The following RYR2 variants were observed in gnomAD, a reference collection of about 807,000 sequenced individuals.
RYR2 encodes the protein ryanodine receptor 2.
Under a neutral mutation model 601.1 loss-of-function variants are expected in RYR2, and 227 were observed. The ratio of observed to expected loss-of-function variants is 0.38; its 90% CI spans 0.34 to 0.42. The LOEUF (loss-of-function observed/expected upper bound fraction) is 0.42, where lower values mean the gene tolerates loss of function less well. Ranked by LOEUF, RYR2 falls within the 10% of genes least tolerant of loss-of-function variation. The pLI is 1.00. For missense variants in RYR2, 4,646 were observed against 6,156.5 expected (o/e 0.75, Z 8.21); for synonymous variants, 2,223 against 2,175.1 (o/e 1.02, Z -0.61).
chr1:237,503,351 C>G lies in RYR2; in HGVS notation c.2459C>G (p.Ala820Gly), dbSNP rs748492817. Reference sequence around the variant, plus strand: ...AAATTTCTTCCTCCACCTGGGTATGCTCCTTGTTATGAAGCTGTTCTGCCA... The same window carrying G: ...AAATTTCTTCCTCCACCTGGGTATGGTCCTTGTTATGAAGCTGTTCTGCCA... ...EFKFLPPPGY[A>G]PCYEAVLPKE... is the part of the protein sequence containing the mutation. Residue 820 changes from alanine (A) to glycine (G), a missense_variant, in exon 22 of 105, where the codon GCT becomes GGT. Transcript: ENST00000366574. 7.4e-6 allele frequency: 12 copies of G among 1,613,914 alleles called. No individual in the cohort carries two copies. In the South Asian group the frequency reaches 1.3e-4, roughly 18 times the overall value.
At position 237,478,352 on chromosome 1, in the gene RYR2, A is replaced by G. The variant is rs553076865; in HGVS notation, c.1708+9165A>G. Among the ~76,000 whole-genome samples the G allele has an allele frequency of 3.3e-5, 5 of 152,266 alleles. No individual in the cohort carries two copies. In the South Asian group the frequency reaches 1.0e-3, roughly 32 times the overall value. Reference sequence around the variant, plus strand: ...AGCTCCTCTGTGCTTCCCGTTTTTTAACCTGTCAATGGGAATGGTAAAAAT... The same window carrying G: ...AGCTCCTCTGTGCTTCCCGTTTTTTGACCTGTCAATGGGAATGGTAAAAAT... On this transcript the variant is annotated intron_variant, in intron 17 of 104. Coordinates refer to ENST00000366574, the MANE Select transcript of RYR2 (RefSeq NM_001035.3).
intron 1 of RYR2, among the ~76,000 whole-genome samples, chr1:237,066,751 C>T (rs1663678569): frequency 6.6e-6 from 1 of 152,042 alleles, no homozygotes; most frequent in South Asian, 2.1e-4. Context: ...ATGCCATTCT[C>T]CTGCCTCAGC....
At chr1:237,337,251 C>CAAAAA (rs1402777135) in intron 3 of RYR2, among the ~76,000 whole-genome samples, 2 of 65,426 alleles carry the variant, frequency 3.1e-5, no homozygotes, top group African/African-American at 4.7e-5. Flanking sequence ...GTATCCATCT[C>CAAAAA]AAAAAAAAAA....
Position 237,832,668 on chromosome 1 carries a change from A to T in RYR2, c.*21A>T. ...ATTAAACTCAGACCCAATCACCTCT[A>T]AAAACCAAAACCCTACCCCTCTCTC... On this transcript the variant is annotated 3_prime_UTR_variant, in exon 105 of 105. Transcript: ENST00000366574. 1 of 1,462,578 alleles carries T rather than the reference A, an allele frequency of 6.8e-7. No individual in the cohort carries two copies. The highest frequency in any genetic ancestry group is 9.6e-7 in the Non-Finnish European group (1 of 1,045,516). The allele number at this position is 1,462,578 out of a possible 1,614,324, so 90.6% of individuals were successfully genotyped here. A position where few individuals can be genotyped will look rare whatever the true frequency, so the allele number is the denominator to read the frequency against.
At position 237,784,918 on chromosome 1, in the gene RYR2, C is replaced by T. The variant is rs397516509; in HGVS notation, c.13206C>T (p.Leu4402=). 7 of 1,608,908 alleles carry T rather than the reference C, an allele frequency of 4.4e-6. No individual in the cohort carries two copies. The highest frequency in any genetic ancestry group is 1.6e-4 in the Middle Eastern group (1 of 6,076). ...KLIPHNPNAG[L]SDLMSNPVPM... is the part of the protein sequence containing the mutation. ...TTCCTCATAATCCAAATGCTGGGCT[C>T]AGTGACCTCATGAGCAACCCAGTCC... Residue 4402 remains leucine (L), a synonymous_variant, in exon 90 of 105, where the codon CTC becomes CTT. Transcript: ENST00000366574. This position sits in a 1 kb window ranked among gnomAD's most constrained non-coding sequence, Gnocchi z 7.1.
intron 1 of RYR2, among the ~76,000 whole-genome samples, chr1:237,072,221 C>A: frequency 6.6e-6 from 1 of 152,224 alleles, no homozygotes; most frequent in South Asian, 2.1e-4. Flanking sequence ...GTTGTGCCTC[C>A]CCCGCTGCAG....
chr1:237,343,186 A>G lies in RYR2; in HGVS notation c.273+12204A>G, dbSNP rs577642579. On this transcript the variant is annotated intron_variant, in intron 3 of 104. Coordinates refer to ENST00000366574, the MANE Select transcript of RYR2 (RefSeq NM_001035.3). ...TGCGGTGAGCTGTGTTTGTGCCACT[A>G]CACTCCAACCTGGGTGACAGAGCGA... 3.3e-5 allele frequency among the ~76,000 whole-genome samples: 5 copies of G among 152,078 alleles called. No homozygotes were observed. The South Asian group carries it at 1.0e-3, about 32-fold the overall frequency.
chr1:237,673,739 A>T (rs958072991), intron 58 of RYR2, among the ~76,000 whole-genome samples: 1 of 152,230 alleles, frequency 6.6e-6, no homozygotes, highest in Non-Finnish European at 1.5e-5. Flanking sequence ...AATCCAGCTA[A>T]GTATGATTTA....
intron 16 of RYR2, among the ~76,000 whole-genome samples, chr1:237,463,772 A>G (rs1419653860): frequency 6.6e-6 from 1 of 152,166 alleles, no homozygotes; most frequent in Non-Finnish European, 1.5e-5. Flanking sequence ...TTGTTTTTGT[A>G]CCTTGACGCA....
In RYR2 at chr1:237,042,410, C is replaced by A; in HGVS notation, c.-112C>A. The A allele has an allele frequency of 9.5e-7, 1 of 1,052,166 alleles. No individual in the cohort carries two copies. Among genetic ancestry groups the A allele is most frequent in the Non-Finnish European group, 1.2e-6 (1 of 831,192 alleles). The allele number at this position is 1,052,166 out of a possible 1,614,324, so 65.2% of individuals were successfully genotyped here. On this transcript the variant is annotated 5_prime_UTR_variant, in exon 1 of 105. Coordinates refer to ENST00000366574, the MANE Select transcript of RYR2 (RefSeq NM_001035.3). ...GCGCTCGGCACCCGGCAGCGCGGCC[C>A]CCTCCAGCCCCCGGCTCCCGGCAGC...
At chr1:237,271,061 T>C (rs1316434396) in intron 2 of RYR2, among the ~76,000 whole-genome samples, 2 of 152,166 alleles carry the variant, frequency 1.3e-5, no homozygotes, top group East Asian at 3.8e-4. Context: ...AACCTGGGTC[T>C]AGATGCAGTT....
chr1:237,400,894 G>T (rs1703294849), intron 10 of RYR2, among the ~76,000 whole-genome samples: 1 of 152,132 alleles, frequency 6.6e-6, no homozygotes, highest in African/African-American at 2.4e-5. Context: ...TAGAAGTGAA[G>T]CACAACTGTT....
chr1:237,825,329 G>A (rs1662969187), intron 101 of RYR2, among the ~76,000 whole-genome samples: 2 of 152,072 alleles, frequency 1.3e-5, no homozygotes. Context: ...ATAGACCAAT[G>A]GAACAAAACA....
intron 99 of RYR2, among the ~76,000 whole-genome samples, chr1:237,808,686 AAATAAAAT>A (rs1660928894): frequency 6.6e-6 from 1 of 151,832 alleles, no homozygotes; most frequent in Non-Finnish European, 1.5e-5. Context: ...AAATAAAATA[AAATAAAAT>A]AAAGTCTGAC....
chr1:237,135,353 T>C (rs1056627262), intron 1 of RYR2, among the ~76,000 whole-genome samples: 1 of 151,830 alleles, frequency 6.6e-6, no homozygotes, highest in Non-Finnish European at 1.5e-5. Flanking sequence ...CAGCATCCCC[T>C]TGTTGGTTTT....
intron 10 of RYR2, among the ~76,000 whole-genome samples, chr1:237,396,982 A>C (rs1702911816): frequency 6.6e-6 from 1 of 152,200 alleles, no homozygotes; most frequent in Non-Finnish European, 1.5e-5. Flanking sequence ...AGAAAAAATT[A>C]GGCTGGACGC....
At chr1:237,065,373 G>T (rs149866362) in intron 1 of RYR2, among the ~76,000 whole-genome samples, 2 of 142,828 alleles carry the variant, frequency 1.4e-5, no homozygotes, top group Non-Finnish European at 3.0e-5. Flanking sequence ...TCCACCTCCC[G>T]GGTTCAAGCC....
At chr1:237,222,575 C>A (rs1478505626) in intron 1 of RYR2, among the ~76,000 whole-genome samples, 1 of 152,010 alleles carries the variant, frequency 6.6e-6, no homozygotes, top group Non-Finnish European at 1.5e-5. Context: ...CCCTTTTTCC[C>A]TATATTTTTG....
chr1:237,232,814 C>T (rs748567336), intron 1 of RYR2, among the ~76,000 whole-genome samples: 2 of 152,122 alleles, frequency 1.3e-5, no homozygotes, highest in Non-Finnish European at 2.9e-5. Flanking sequence ...GATTGCTTGC[C>T]TGGTGTGTGG....
Sources: gnomAD v4.1 joint callset for allele counts (sites outside exome capture counted in the v4.1 genomes callset) on GRCh38, gnomAD v4.1.1 for gene constraint, Gnocchi (gnomAD v3.1) non-coding constraint, MANE v1.5 for transcripts, NCBI Gene and HGNC (gene_info 2026-07-23, HGNC 2026-07-21) for gene names.